The following MARCHF6 variants were observed in gnomAD, a reference collection of about 807,000 sequenced individuals.
The protein encoded by MARCHF6 is membrane associated ring-CH-type finger 6, also known as E3 ubiquitin-protein ligase MARCHF6.
MARCHF6 carries 31 observed loss-of-function variants against 133.7 expected under a neutral mutation model. The ratio of observed to expected loss-of-function variants is 0.23; its 90% CI spans 0.17 to 0.31. The LOEUF is 0.31. Among genes scored for constraint, MARCHF6 ranks in the 10% least tolerant of loss-of-function variants. The pLI, the probability that MARCHF6 is intolerant of heterozygous loss-of-function variation, is 1.00. For missense variants in MARCHF6, 723 were observed against 1,121.6 expected, an observed-to-expected ratio of 0.64 and a Z score of 5.08; for synonymous variants, 395 against 402.5, an observed-to-expected ratio of 0.98 and a Z score of 0.22.
In MARCHF6 at chr5:10,414,601, A is replaced by G; in HGVS notation, c.1966+99A>G. ...TCTGTTCCCCAGTCTGGAGGGTAGT[A>G]GTATGATCATAGCTTACTGCAGCCT... On this transcript the variant is annotated intron_variant, in intron 20 of 25. Transcript: ENST00000274140. The G allele has an allele frequency of 1.1e-6, 1 of 950,454 alleles. No homozygotes were observed. The highest frequency in any genetic ancestry group is 1.6e-6 in the Non-Finnish European group (1 of 608,082). The allele number at this position is 950,454 out of a possible 1,614,324, so 58.9% of individuals were successfully genotyped here. A position where few individuals can be genotyped will look rare whatever the true frequency, so the allele number is the denominator to read the frequency against.
intron 1 of MARCHF6, among the ~76,000 whole-genome samples, chr5:10,362,786 A>G (rs1460750722): frequency 6.6e-6 from 1 of 152,226 alleles, no homozygotes; most frequent in Non-Finnish European, 1.5e-5. Context: ...TTCTTAACGT[A>G]TCTGAAAACA....
chr5:10,405,664 T>A lies in MARCHF6; in HGVS notation c.1439T>A (p.Phe480Tyr). ...HLPIYRHLRRFILSVIVFGSI... is the reference protein window; with the variant it reads ...HLPIYRHLRRYILSVIVFGSI... ...CCAATATATAGGCATCTCCGAAGATTTATTTTGTCAGTGGTAAGAAGATGT... is the reference window on the plus strand; with the variant it reads ...CCAATATATAGGCATCTCCGAAGATATATTTTGTCAGTGGTAAGAAGATGT... Residue 480 changes from phenylalanine to tyrosine, a missense_variant, in exon 16 of 26, where the codon TTT (phenylalanine) becomes TAT (tyrosine). This residue lies in a region of MARCHF6 where 492 missense variants were observed against 699.5 expected (regional missense o/e 0.70). Coordinates refer to ENST00000274140, the MANE Select transcript of MARCHF6 (RefSeq NM_005885.4). The A allele has an allele frequency of 6.3e-7, 1 of 1,595,548 alleles. No individual in the cohort carries two copies. The highest frequency in any genetic ancestry group is 8.5e-7 in the Non-Finnish European group (1 of 1,174,596).
Position 10,435,671 on chromosome 5 carries a change from A to T in MARCHF6, c.*1987A>T, listed in dbSNP as rs1429285812. The stretch of plus-strand genomic sequence containing the variant: ...TATATATATATATATATATATATAT[A>T]TATATATATATATATATATATATAT... On this transcript the variant is annotated 3_prime_UTR_variant, in exon 26 of 26. Transcript: ENST00000274140. The T allele has an allele frequency of 6.4e-4, 4 of 6,238 alleles. No individual in the cohort carries two copies. The highest frequency in any genetic ancestry group is 1.0e-3 in the Non-Finnish European group (4 of 3,828). 0.4% of individuals were successfully genotyped at this position (6,238 alleles called of 1,614,324 possible).
At chr5:10,397,916 T>G (rs539894699) in intron 10 of MARCHF6, among the ~76,000 whole-genome samples, 2 of 152,306 alleles carry the variant, frequency 1.3e-5, no homozygotes, top group East Asian at 3.9e-4. Flanking sequence ...TGGGACTAAT[T>G]AGAGAAAGAA....
At chr5:10,354,025 C>A in intron 1 of MARCHF6, 108 bp downstream of exon 1, 1 of 1,157,398 alleles carries the variant, frequency 8.6e-7, no homozygotes, top group Non-Finnish European at 1.1e-6. Context: ...GCGGGGCGGA[C>A]GCCTGGGCCG....
intron 22 of MARCHF6, among the ~76,000 whole-genome samples, chr5:10,422,493 T>C (rs1486495016): frequency 6.6e-6 from 1 of 152,164 alleles, no homozygotes; most frequent in African/African-American, 2.4e-5. Flanking sequence ...TGCATTGTCA[T>C]TGGACTTTTT....
intron 9 of MARCHF6, 46 bp from the exon 10 acceptor site, chr5:10,397,247 A>G (rs1579577175): frequency 7.3e-7 from 1 of 1,364,180 alleles, no homozygotes; most frequent in Non-Finnish European, 1.0e-6. Context: ...TTAAACATAC[A>G]TTAAGTATGA....
chr5:10,364,220 A>G (rs916374539), intron 1 of MARCHF6, among the ~76,000 whole-genome samples: 1 of 152,182 alleles, frequency 6.6e-6, no homozygotes, highest in Non-Finnish European at 1.5e-5. Context: ...AGCAGTTGGA[A>G]TTTTCATATA....
At chr5:10,376,164 C>T (rs1736767783) in intron 1 of MARCHF6, among the ~76,000 whole-genome samples, 1 of 152,136 alleles carries the variant, frequency 6.6e-6, no homozygotes. Flanking sequence ...TCACTTTTTG[C>T]AATAAATCTT....
intron 9 of MARCHF6, 125 bp from the exon 10 acceptor site, chr5:10,397,168 A>G (rs1216973581): frequency 3.2e-6 from 2 of 619,240 alleles, no homozygotes; most frequent in Admixed American, 3.0e-5. Flanking sequence ...TCCCAAAACA[A>G]TAGAGGGAAA....
chr5:10,404,031 C>CTTTATTTATTTA (rs36021721), intron 15 of MARCHF6, among the ~76,000 whole-genome samples: 2 of 143,440 alleles, frequency 1.4e-5, no homozygotes, highest in Admixed American at 7.0e-5. Flanking sequence ...GATGGATTAC[C>CTTTATTTATTTA]TTTATTTATT....
intron 5 of MARCHF6, among the ~76,000 whole-genome samples, chr5:10,388,159 A>T (rs948916616): frequency 1.3e-5 from 2 of 152,154 alleles, no homozygotes; most frequent in Non-Finnish European, 2.9e-5. Context: ...CTTGAGGGTC[A>T]CCTGAATTGC....
intron 19 of MARCHF6, 58 bp from the exon 20 acceptor site, chr5:10,414,375 A>G (rs1280347857): frequency 5.3e-6 from 5 of 951,156 alleles, no homozygotes; most frequent in Non-Finnish European, 8.2e-6. Flanking sequence ...TGATTCTTTG[A>G]TAAAATACAT....
rs765337430 is a variant in MARCHF6 at position 10,429,987 on chromosome 5, C to T, written c.2601C>T (p.Val867=). ...TGATGGCAATTTTGTCCTTCCAAGT[C>T]CGCCAGTTTAAGCGCCTTTATGAAC... The part of the protein sequence containing the change: ...VVLMAILSFQ[V]RQFKRLYEHI... Residue 867 remains valine (V), a synonymous_variant, in exon 25 of 26, where the codon GTC becomes GTT. Coordinates refer to ENST00000274140, the MANE Select transcript of MARCHF6 (RefSeq NM_005885.4). 6.2e-6 allele frequency: 10 copies of T among 1,613,518 alleles called. No individual in the cohort carries two copies. The Admixed American group carries it at 1.5e-4, about 24-fold the overall frequency.
At chr5:10,381,759 G>T in intron 3 of MARCHF6, 41 bp from the exon 4 acceptor site, 3 of 1,478,108 alleles carry the variant, frequency 2.0e-6, no homozygotes, top group South Asian at 1.3e-5. Context: ...AGCTATTTTC[G>T]AATCTTCATG....
intron 1 of MARCHF6, among the ~76,000 whole-genome samples, chr5:10,369,622 A>C (rs1736347658): frequency 2.0e-5 from 1 of 50,788 alleles, no homozygotes; most frequent in South Asian, 7.4e-4. Flanking sequence ...CCCCCTTGCA[A>C]ATATCCTTTA....
intron 21 of MARCHF6, among the ~76,000 whole-genome samples, chr5:10,416,044 G>T (rs942064693): frequency 3.9e-4 from 60 of 152,022 alleles, no homozygotes; most frequent in African/African-American, 1.4e-3. Flanking sequence ...TATTTTTACT[G>T]GATCATTTAG....
intron 3 of MARCHF6, among the ~76,000 whole-genome samples, chr5:10,379,080 T>A (rs554491971): frequency 1.3e-5 from 2 of 151,738 alleles, no homozygotes; most frequent in Non-Finnish European, 2.9e-5. Context: ...TTTTTGTCTT[T>A]AAAATTTATT....
intron 1 of MARCHF6, among the ~76,000 whole-genome samples, chr5:10,368,584 G>C (rs1033827838): frequency 4.6e-5 from 7 of 152,122 alleles, no homozygotes; most frequent in African/African-American, 1.7e-4. Context: ...TTGTTTGTTT[G>C]TTTCTTTTTG....
Sources: gnomAD v4.1 joint callset for allele counts (sites outside exome capture counted in the v4.1 genomes callset) on GRCh38, gnomAD v4.1.1 for gene constraint, gnomAD v4.1.1 regional missense constraint, MANE v1.5 for transcripts, NCBI Gene and HGNC (gene_info 2026-07-23, HGNC 2026-07-21) for gene names.